CCDC190: variants seen among roughly 807,000 people sequenced by gnomAD.
CCDC190 encodes the protein coiled-coil domain-containing protein 190.
In CCDC190, 10 loss-of-function variants were observed where a neutral mutation model predicts 13.1. The observed-to-expected ratio is 0.77, with a 90% confidence interval of 0.47 to 1.30. The LOEUF (loss-of-function observed/expected upper bound fraction) is 1.30. CCDC190 is among the 50% of genes most tolerant of loss of function. The pLI is 0.00. For missense variants in CCDC190, 375 were observed against 354.3 expected (o/e 1.06, Z -0.47); for synonymous variants, 136 against 127.2 (o/e 1.07, Z -0.47).
upstream of CCDC190, among the ~76,000 whole-genome samples, chr1:162,862,847 A>C (rs561108468): frequency 1.3e-5 from 2 of 152,354 alleles, no homozygotes; most frequent in East Asian, 3.9e-4. Flanking sequence ...GGGTTGGAGA[A>C]GGAAGAATGA....
upstream of CCDC190, among the ~76,000 whole-genome samples, chr1:162,863,810 C>G (rs6694193): frequency 0.81 from 122,548 of 151,986 alleles, 51,646 homozygotes; most frequent in Non-Finnish European, 0.94. Flanking sequence ...CACAAGGTCA[C>G]GAGTTCGAGA....
intron 2 of CCDC190, among the ~76,000 whole-genome samples, chr1:162,856,513 C>A (rs943152726): frequency 2.6e-5 from 4 of 152,216 alleles, no homozygotes; most frequent in Admixed American, 2.6e-4. Context: ...GAGTTTGCAA[C>A]TGCCAGCCGT....
At chr1:162,865,532 T>A (rs1296070883), upstream of CCDC190, among the ~76,000 whole-genome samples, 3 of 152,036 alleles carry the variant, frequency 2.0e-5, no homozygotes, top group East Asian at 5.8e-4. Flanking sequence ...AAAATAACAG[T>A]GTATTCTGTT....
chr1:162,854,402 G>T lies in CCDC190; in HGVS notation c.*363C>A. 1 of 1,042,716 alleles carries T rather than the reference G, an allele frequency of 9.6e-7. No individual in the cohort carries two copies. The highest frequency in any genetic ancestry group is 1.2e-6 in the Non-Finnish European group (1 of 865,108). The allele number at this position is 1,042,716 out of a possible 1,614,324, so 64.6% of individuals were successfully genotyped here. A position where few individuals can be genotyped will look rare whatever the true frequency, so the allele number is the denominator to read the frequency against. On this transcript the variant is annotated 3_prime_UTR_variant, in exon 4 of 4. Coordinates refer to ENST00000367912, the MANE Select transcript of CCDC190 (RefSeq NM_001394065.1). ...ATATCAAACTAAAACAGAGAGAATA[G>T]CTATGCCGTTTTGCCAGCAGGTGGC... is the stretch of plus-strand genomic sequence containing the variant.
Position 162,854,095 on chromosome 1 carries a change from A to T in CCDC190, c.*670T>A, listed in dbSNP as rs76862059. ...TTTGATAGAGTCTGCTATGCATTTG[A>T]CAGCATGTTGGGAGATGATTAAAAG... On this transcript the variant is annotated 3_prime_UTR_variant, in exon 4 of 4. Transcript: ENST00000367912. 1.7e-3 allele frequency: 618 copies of T among 358,874 alleles called. 7 individuals carry two copies. Among genetic ancestry groups the T allele is most frequent in the African/African-American group, 0.013 (589 of 45,114 alleles). 22.2% of individuals were successfully genotyped at this position (358,874 alleles called of 1,614,324 possible). A position where few individuals can be genotyped will look rare whatever the true frequency, so the allele number is the denominator to read the frequency against.
In CCDC190 at chr1:162,855,305, A is replaced by C; in HGVS notation, c.366T>G (p.Pro122=). 2 of 1,613,342 alleles carry C rather than the reference A, an allele frequency of 1.2e-6. No individual in the cohort carries two copies. Among genetic ancestry groups the C allele is most frequent in the Non-Finnish European group, 1.7e-6 (2 of 1,179,840 alleles). Residue 122 remains proline, a synonymous_variant, in exon 4 of 4, where the codon CCT becomes CCG. Transcript: ENST00000367912. ...CTTTGAGGCCAGCATCATGTGAAGG[A>C]GGCACCTGGGACTTGCTTTTGCATG... ...QDTCKSKSQV[P]PSHDAGLKDP...
chr1:162,867,708 TAAAC>T (rs1650756266), intron 1 of CCDC190, among the ~76,000 whole-genome samples: 1 of 152,134 alleles, frequency 6.6e-6, no homozygotes, highest in African/African-American at 2.4e-5. Flanking sequence ...AGTGAACTGA[TAAAC>T]AAATTGTGGT....
chr1:162,864,157 G>A (rs1050233570), upstream of CCDC190, among the ~76,000 whole-genome samples: 6 of 151,824 alleles, frequency 4.0e-5, no homozygotes, highest in East Asian at 1.9e-4. Context: ...TACATACAGA[G>A]GAACACAATA....
In CCDC190 at chr1:162,851,065, A is replaced by T. The variant is rs940008949; in HGVS notation, c.*3700T>A. 6.6e-6 allele frequency among the ~76,000 whole-genome samples: 1 copy of T among 152,060 alleles called. No individual in the cohort carries two copies. Among genetic ancestry groups the T allele is most frequent in the African/African-American group, 2.4e-5 (1 of 41,416 alleles). On this transcript the variant is annotated 3_prime_UTR_variant, in exon 4 of 4. Coordinates refer to ENST00000367912, the MANE Select transcript of CCDC190 (RefSeq NM_001394065.1). ...TTCCGGTAGATATTCATTTAACTGC[A>T]TTTAGGTTATTATTGTTTATGGTTC...
chr1:162,855,300 G>A lies in CCDC190; in HGVS notation c.371C>T (p.Ser124Leu). Reference sequence around the variant, plus strand: ...GGGGTCTTTGAGGCCAGCATCATGTGAAGGAGGCACCTGGGACTTGCTTTT... The same window carrying A: ...GGGGTCTTTGAGGCCAGCATCATGTAAAGGAGGCACCTGGGACTTGCTTTT... ...TCKSKSQVPP[S>L]HDAGLKDPMK... The change falls in exon 4 of 4, where the codon TCA becomes TTA. Residue 124 changes from serine to leucine, a missense_variant. Ser to Leu is a moderately radical substitution (Grantham distance 145). Coordinates refer to ENST00000367912, the MANE Select transcript of CCDC190 (RefSeq NM_001394065.1). 1 of 1,613,496 alleles carries A rather than the reference G, an allele frequency of 6.2e-7. No individual in the cohort carries two copies. The highest frequency in any genetic ancestry group is 2.2e-5 in the East Asian group (1 of 44,888).
At chr1:162,855,846 G>A in intron 2 of CCDC190, 91 bp from the exon 3 acceptor site, 2 of 1,173,202 alleles carry the variant, frequency 1.7e-6, no homozygotes, top group Non-Finnish European at 2.4e-6. Flanking sequence ...CTTAGGGTGG[G>A]ACCTTATTTG....
chr1:162,859,641 C>G lies in CCDC190; in HGVS notation c.6G>C (p.Glu2Asp). Reference sequence around the variant, plus strand: ...ACAATTGTCCCCTGACCATGTGCCTCTCCATCTTCTTTATGGTCTAGAGAC... The same window carrying G: ...ACAATTGTCCCCTGACCATGTGCCTGTCCATCTTCTTTATGGTCTAGAGAC... M[E>D]RHMVRGQLYK... Residue 2 changes from glutamate (E) to aspartate (D), a missense_variant, in exon 2 of 4, where the codon GAG becomes GAC. Transcript: ENST00000367912. 6.2e-7 allele frequency: 1 copy of G among 1,612,960 alleles called. No homozygotes were observed. The highest frequency in any genetic ancestry group is 1.1e-5 in the South Asian group (1 of 90,820).
At chr1:162,858,053 A>G (rs1238713695) in intron 2 of CCDC190, among the ~76,000 whole-genome samples, 2 of 152,240 alleles carry the variant, frequency 1.3e-5, no homozygotes, top group Non-Finnish European at 2.9e-5. Context: ...TTCCATTTAA[A>G]TGAATCATGG....
In CCDC190 at chr1:162,861,025, T is replaced by C. The variant is rs1650492781; in HGVS notation, c.-30A>G. 1 of 984,936 alleles carries C rather than the reference T, an allele frequency of 1.0e-6. No individual in the cohort carries two copies. 61.0% of individuals were successfully genotyped at this position (984,936 alleles called of 1,614,324 possible). A position where few individuals can be genotyped will look rare whatever the true frequency, so the allele number is the denominator to read the frequency against. On this transcript the variant is annotated 5_prime_UTR_variant, in exon 1 of 4. Transcript: ENST00000367912. ...GAACTTACCTCCAAATCCAGAGTTT[T>C]CACCATGAGACTATGTCTTGTTTCT...
rs749768117 is a variant in CCDC190 at position 162,854,894 on chromosome 1, C to T, written c.777G>A (p.Arg259=). The T allele has an allele frequency of 4.8e-5, 78 of 1,614,018 alleles. 3 individuals are homozygous for T. The highest frequency in any genetic ancestry group is 1.3e-4 in the South Asian group (12 of 91,084). ...LSKARNAHYL[R]HRVPPESERL... is the part of the protein sequence containing the mutation. Reference sequence around the variant, plus strand: ...TCTCAGACTCAGGGGGGACCCTGTGCCGGAGATAATGGGCATTTCTGGCCT... The same window carrying T: ...TCTCAGACTCAGGGGGGACCCTGTGTCGGAGATAATGGGCATTTCTGGCCT... The change falls in exon 4 of 4, where the codon CGG becomes CGA. Residue 259 remains arginine (R), a synonymous_variant. Transcript: ENST00000367912.
Position 162,851,768 on chromosome 1 carries a change from A to G in CCDC190, c.*2997T>C, listed in dbSNP as rs901536700. On this transcript the variant is annotated 3_prime_UTR_variant, in exon 4 of 4. Coordinates refer to ENST00000367912, the MANE Select transcript of CCDC190 (RefSeq NM_001394065.1). ...GAATGAATGAATGAATGAATGTAAT[A>G]AAAAATGTTTCCTCAAAATTGAAGT... The G allele has an allele frequency of 6.7e-6, 1 of 149,388 alleles. No individual in the cohort carries two copies. The highest frequency in any genetic ancestry group is 2.5e-5 in the African/African-American group (1 of 40,474). The allele number at this position is 149,388 out of a possible 1,614,324, so 9.3% of individuals were successfully genotyped here.
chr1:162,867,763 G>A (rs1779997), intron 1 of CCDC190, among the ~76,000 whole-genome samples: 7,203 of 152,144 alleles, frequency 0.047, 435 homozygotes, highest in African/African-American at 0.15. Context: ...TAAAAATAAC[G>A]ATACATTAAT....
rs1650175467 is a variant in CCDC190 at position 162,853,287 on chromosome 1, C to G, written c.*1478G>C. The G allele has an allele frequency of 4.6e-6, 3 of 655,042 alleles. No homozygotes were observed. In the East Asian group the frequency reaches 8.6e-5, roughly 19 times the overall value. 40.6% of individuals were successfully genotyped at this position (655,042 alleles called of 1,614,324 possible). On this transcript the variant is annotated 3_prime_UTR_variant, in exon 4 of 4. Coordinates refer to ENST00000367912, the MANE Select transcript of CCDC190 (RefSeq NM_001394065.1). ...GAGAGATCAAATGCTAGTCTGCCAT[C>G]TATTAGCAAGTTACCACCACTCTTC...
At position 162,859,671 on chromosome 1, in the gene CCDC190, A is replaced by G. The variant is rs757124986; in HGVS notation, c.-12-13T>C. The G allele has an allele frequency of 1.3e-6, 2 of 1,597,000 alleles. No individual in the cohort carries two copies. Among genetic ancestry groups the G allele is most frequent in the Non-Finnish European group, 1.7e-6 (2 of 1,172,260 alleles). ...TCTTCTTTATGGTCTAGAGACAATAAGGTATCACAAATAACCTGATAAATG... is the reference window on the plus strand; with the variant it reads ...TCTTCTTTATGGTCTAGAGACAATAGGGTATCACAAATAACCTGATAAATG... On this transcript the variant is annotated splice_polypyrimidine_tract_variant and intron_variant, in intron 1 of 3. Coordinates refer to ENST00000367912, the MANE Select transcript of CCDC190 (RefSeq NM_001394065.1).
Sources: allele counts gnomAD v4.1 joint callset (sites outside exome capture counted in the v4.1 genomes callset), GRCh38; gene constraint gnomAD v4.1.1; transcripts MANE v1.5; gene names NCBI Gene and HGNC (gene_info 2026-07-23, HGNC 2026-07-21).